The following RBM23 variants were observed in gnomAD, a reference collection of about 807,000 sequenced individuals.
RBM23 encodes the protein RNA binding motif protein 23.
A neutral mutation model predicts 56.2 loss-of-function variants in RBM23; 53 were observed. The observed-to-expected ratio is 0.94, with a 90% CI of 0.76 to 1.19. The LOEUF (loss-of-function observed/expected upper bound fraction) is 1.19, where lower values mean the gene tolerates loss of function less well. Among genes scored for constraint, RBM23 ranks in the 50% most tolerant of loss-of-function variants. RBM23 has a pLI of 0.00. For missense variants in RBM23, 642 were observed against 590.3 expected, an observed-to-expected ratio of 1.09 and a Z score of -0.91; for synonymous variants, 197 against 198.5, an observed-to-expected ratio of 0.99 and a Z score of 0.06.
In RBM23 at chr14:22,900,300, G is replaced by A. The variant is rs1349534448; in HGVS notation, c.*1430C>T. 1 of 151,904 alleles carries A rather than the reference G, an allele frequency of 6.6e-6. No homozygotes were observed. The highest frequency in any genetic ancestry group is 1.5e-5 in the Non-Finnish European group (1 of 68,086). 9.4% of individuals were successfully genotyped at this position (151,904 alleles called of 1,614,324 possible). On this transcript the variant is annotated 3_prime_UTR_variant, in exon 14 of 14. Coordinates refer to ENST00000359890, the MANE Select transcript of RBM23 (RefSeq NM_001077351.2). ...AATAGAGTTAAGAAAGCTCAGCTTA[G>A]CTCTGGTACTTAACTCTTCAAGATC...
At chr14:22,903,913 T>C in intron 10 of RBM23, 1 of 1,209,116 alleles carries the variant, frequency 8.3e-7, no homozygotes, top group Non-Finnish European at 1.0e-6. Flanking sequence ...GAAACATCAA[T>C]TCTATAAAGC....
rs1302445708 is a variant in RBM23, at chr14:22,899,074, A to C, written c.*2656T>G. On this transcript the variant is annotated 3_prime_UTR_variant, in exon 14 of 14. Transcript: ENST00000359890. ...TGAGATCTAGGCCTGGAAGAATCAG[A>C]AATGCTGTGGTTTGAATGTGTCCCC... is the stretch of plus-strand genomic sequence containing the variant. The C allele has an allele frequency of 6.6e-6, 1 of 152,226 alleles. No homozygotes were observed. The highest frequency in any genetic ancestry group is 1.5e-5 in the Non-Finnish European group (1 of 68,046). The allele number at this position is 152,226 out of a possible 1,614,324, so 9.4% of individuals were successfully genotyped here.
At chr14:22,906,041 C>T (rs935455949) in intron 5 of RBM23, 154 bp downstream of exon 5, 25 of 884,786 alleles carry the variant, frequency 2.8e-5, no homozygotes, top group African/African-American at 1.0e-4. Flanking sequence ...TGAGCCACCA[C>T]ACCAGTAAAT....
At chr14:22,913,645 T>A (rs2042976095) in intron 1 of RBM23, 2 of 151,304 alleles carry the variant, frequency 1.3e-5, no homozygotes, top group African/African-American at 4.9e-5. Context: ...GTCAGGAGTT[T>A]GAGACCAGCC....
In RBM23 at chr14:22,902,358, G is replaced by A. The variant is rs201562748; in HGVS notation, c.955C>T (p.Arg319Trp). 9.2e-5 allele frequency: 149 copies of A among 1,613,370 alleles called. No individual in the cohort carries two copies. The highest frequency in any genetic ancestry group is 2.9e-4 in the East Asian group (13 of 44,850). The change falls in exon 11 of 14, where the codon CGG (arginine) becomes TGG (tryptophan). Residue 319 changes from arginine to tryptophan, a missense_variant. Coordinates refer to ENST00000359890, the MANE Select transcript of RBM23 (RefSeq NM_001077351.2). ...ITFSDSECAR[R>W]ALEQLNGFEL... is the part of the protein sequence containing the mutation. ...AACCCATTCAACTGTTCCAGGGCCCGCCGGGCACACTCAGAATCAGAGAAC... is the reference window on the plus strand; with the variant it reads ...AACCCATTCAACTGTTCCAGGGCCCACCGGGCACACTCAGAATCAGAGAAC...
rs562350178 is a variant in RBM23 at position 22,898,095 on chromosome 14, T to C, written c.*3635A>G. 6.6e-6 allele frequency: 1 copy of C among 152,340 alleles called. No individual in the cohort carries two copies. Among genetic ancestry groups the C allele is most frequent in the East Asian group, 1.9e-4 (1 of 5,184 alleles). The allele number at this position is 152,340 out of a possible 1,614,324, so 9.4% of individuals were successfully genotyped here. ...TACACGGAAAAGAGGGACTGTGATATAATTCCATCCTTCAGGTTTTTACTC... is the reference window on the plus strand; with the variant it reads ...TACACGGAAAAGAGGGACTGTGATACAATTCCATCCTTCAGGTTTTTACTC... On this transcript the variant is annotated 3_prime_UTR_variant, in exon 14 of 14. Transcript: ENST00000359890.
In RBM23 at chr14:22,915,745, C is replaced by T. The variant is rs549825037; in HGVS notation, c.-11+3254G>A. ...TCCTGACCTCAGGTAATCCGCCTGC[C>T]TCGGCCTCCCAGTGCTGGGATTACA... On this transcript the variant is annotated intron_variant, in intron 1 of 13. Transcript: ENST00000359890. Among the ~76,000 whole-genome samples the T allele has an allele frequency of 3.6e-3, 549 of 152,350 alleles. 2 individuals are homozygous for T. Among genetic ancestry groups the T allele is most frequent in the Non-Finnish European group, 5.8e-3 (397 of 68,036 alleles).
chr14:22,902,136 C>A, intron 11 of RBM23, 37 bp from the exon 12 acceptor site: 1 of 1,605,262 alleles, frequency 6.2e-7, no homozygotes, highest in Non-Finnish European at 8.5e-7. Flanking sequence ...AAGCCCCAAC[C>A]CTTCATCTAA....
In RBM23 at chr14:22,895,845, G is replaced by GAA. The variant is rs1425223708; in HGVS notation, c.*5883_*5884dup. On this transcript the variant is annotated 3_prime_UTR_variant, in exon 14 of 14. Transcript: ENST00000359890. The stretch of plus-strand genomic sequence containing the variant: ...CAAAGCTAATGGTGTTAGGTACCTT[G>GAA]AAGGTACCTGTGAGGGGGGCTCATT... 1 of 152,118 alleles carries GAA rather than the reference G, an allele frequency of 6.6e-6. No individual in the cohort carries two copies. The highest frequency in any genetic ancestry group is 1.5e-5 in the Non-Finnish European group (1 of 68,028). 9.4% of individuals were successfully genotyped at this position (152,118 alleles called of 1,614,324 possible).
chr14:22,918,971 G>C (rs1254789322), intron 1 of RBM23, 28 bp downstream of exon 1: 1 of 152,164 alleles, frequency 6.6e-6, no homozygotes, highest in Non-Finnish European at 1.5e-5. Context: ...GTGACGTCTG[G>C]TGGGGACCGG....
chr14:22,916,828 G>A (rs529032482), intron 1 of RBM23, among the ~76,000 whole-genome samples: 8 of 152,042 alleles, frequency 5.3e-5, no homozygotes, highest in East Asian at 1.9e-4. Flanking sequence ...AAAGGTATTA[G>A]ACTAATATAC....
In RBM23 at chr14:22,904,397, GCTTT is replaced by G. The variant is rs961557747; in HGVS notation, c.865-75_865-72del. ...ATCTTCAATCTTTCCTACCCAGACT[GCTTT>G]TTTTTTTTTTTTGAGACAGAGTCTC... On this transcript the variant is annotated intron_variant, in intron 9 of 13. Coordinates refer to ENST00000359890, the MANE Select transcript of RBM23 (RefSeq NM_001077351.2). 4 of 1,231,446 alleles carry G rather than the reference GCTTT, an allele frequency of 3.2e-6. No individual in the cohort carries two copies. The African/African-American group carries it at 6.4e-5, about 20-fold the overall frequency. The allele number at this position is 1,231,446 out of a possible 1,614,324, so 76.3% of individuals were successfully genotyped here.
chr14:22,902,503 T>C (rs1392547602), intron 10 of RBM23, 121 bp from the exon 11 acceptor site: 4 of 1,428,588 alleles, frequency 2.8e-6, no homozygotes, highest in Non-Finnish European at 3.7e-6. Context: ...GTACAAACTT[T>C]TCTTTCCCAG....
At chr14:22,906,478 A>G (rs1327131707) in intron 4 of RBM23, 110 bp from the exon 5 acceptor site, 13 of 1,274,776 alleles carry the variant, frequency 1.0e-5, no homozygotes, top group East Asian at 2.4e-5. Context: ...AAGTTCGTAT[A>G]ACCTAGTGAT....
At chr14:22,908,401 T>C in intron 3 of RBM23, 21 bp from the exon 4 acceptor site, 3 of 1,541,388 alleles carry the variant, frequency 1.9e-6, no homozygotes, top group Non-Finnish European at 2.6e-6. Context: ...GAGTACATTC[T>C]TCTTTTTTTT....
chr14:22,904,141 C>T, intron 10 of RBM23, 120 bp downstream of exon 10: 2 of 1,575,926 alleles, frequency 1.3e-6, no homozygotes, highest in Non-Finnish European at 1.7e-6. Flanking sequence ...AAGCTTCAGG[C>T]ACCAGGGTTT....
Position 22,905,593 on chromosome 14 carries a change from A to G in RBM23, c.455+13T>C, listed in dbSNP as rs542935158. ...CCTCACAATCCCTAAAACAGTGTTC[A>G]TTATCAACCCACCTGACTGGGCTCT... is the stretch of plus-strand genomic sequence containing the variant. On this transcript the variant is annotated intron_variant, in intron 6 of 13. Coordinates refer to ENST00000359890, the MANE Select transcript of RBM23 (RefSeq NM_001077351.2). The G allele has an allele frequency of 5.0e-6, 8 of 1,609,818 alleles. No individual in the cohort carries two copies. The South Asian group carries it at 7.7e-5, about 15-fold the overall frequency.
Position 22,897,629 on chromosome 14 carries a change from G to C in RBM23, c.*4101C>G, listed in dbSNP as rs547765899. The C allele has an allele frequency of 6.6e-6, 1 of 152,360 alleles. No individual in the cohort carries two copies. Among genetic ancestry groups the C allele is most frequent in the Admixed American group, 6.5e-5 (1 of 15,304 alleles). The allele number at this position is 152,360 out of a possible 1,614,324, so 9.4% of individuals were successfully genotyped here. ...TTCACCCACAAACACTGTCACTCAA[G>C]ATAAGCAAAGACATGGCAGTGGAAA... is the stretch of plus-strand genomic sequence containing the variant. On this transcript the variant is annotated 3_prime_UTR_variant, in exon 14 of 14. Coordinates refer to ENST00000359890, the MANE Select transcript of RBM23 (RefSeq NM_001077351.2).
intron 13 of RBM23, 39 bp from the exon 14 acceptor site, chr14:22,901,772 A>G (rs199563845): frequency 7.4e-6 from 12 of 1,614,026 alleles, no homozygotes; most frequent in Non-Finnish European, 1.0e-5. Context: ...CAAAGGAAAG[A>G]GAATAATCAA....
Sources: gnomAD v4.1 joint callset for allele counts (sites outside exome capture counted in the v4.1 genomes callset) on GRCh38, gnomAD v4.1.1 for gene constraint, MANE v1.5 for transcripts, NCBI Gene and HGNC (gene_info 2026-07-23, HGNC 2026-07-21) for gene names.